The following TMEM181 variants were observed in gnomAD, a reference collection of about 807,000 sequenced individuals.
The protein encoded by TMEM181 is G protein-coupled receptor 178.
Under a neutral mutation model 71.9 loss-of-function variants are expected in TMEM181, and 39 were observed. That is an observed-to-expected ratio of 0.54 (90% CI 0.42 to 0.71). The LOEUF (loss-of-function observed/expected upper bound fraction) is 0.71. TMEM181 is among the 30% of genes least tolerant of loss of function. The probability of loss-of-function intolerance (pLI) is 0.00; values close to 1 mark genes in which losing one functional copy is unlikely to be tolerated. For synonymous variants in TMEM181, 245 were observed against 228.8 expected (o/e 1.07, Z -0.64); for missense variants, 595 against 583.0 (o/e 1.02, Z -0.21).
intron 1 of TMEM181, among the ~76,000 whole-genome samples, chr6:158,544,492 G>T (rs1258539373): frequency 6.6e-6 from 1 of 152,164 alleles, no homozygotes; most frequent in Non-Finnish European, 1.5e-5. Flanking sequence ...GTGTGCTGGG[G>T]TATCACGGTC....
intron 10 of TMEM181, among the ~76,000 whole-genome samples, chr6:158,622,246 TATA>T (rs553487648): frequency 2.6e-4 from 40 of 152,330 alleles, no homozygotes; most frequent in South Asian, 1.7e-3. Flanking sequence ...AACAATATAT[TATA>T]ATAAAAGTTG....
chr6:158,595,596 G>A (rs1271818942), intron 6 of TMEM181, among the ~76,000 whole-genome samples: 2 of 152,192 alleles, frequency 1.3e-5, no homozygotes, highest in African/African-American at 2.4e-5. Context: ...ACTATATAGC[G>A]AGGAGAATGA....
chr6:158,624,206 A>G (rs541179270), intron 11 of TMEM181, among the ~76,000 whole-genome samples: 1 of 152,308 alleles, frequency 6.6e-6, no homozygotes, highest in Admixed American at 6.5e-5. Context: ...GCTCTGGAAC[A>G]GACCCCAGGG....
In TMEM181 at chr6:158,576,256, G is replaced by A. The variant is rs558248292; in HGVS notation, c.112+2733G>A. 3.9e-5 allele frequency among the ~76,000 whole-genome samples: 6 copies of A among 152,264 alleles called. No homozygotes were observed. The South Asian group carries it at 6.2e-4, about 16-fold the overall frequency. ...CTTCCACTGCAGGCCTATAGCAGGC[G>A]GCTAAATGTGTGTTCCTAGCGCTTA... On this transcript the variant is annotated intron_variant, in intron 2 of 16. Coordinates refer to ENST00000684151, the MANE Select transcript of TMEM181 (RefSeq NM_001376852.1).
Position 158,582,275 on chromosome 6 carries a change from T to C in TMEM181, c.168+1280T>C, listed in dbSNP as rs557181254. ...TGTCTCTCAGGGTGTGAGTCTCTCT[T>C]TGACACTGAACACAGCAGCCATTCC... On this transcript the variant is annotated intron_variant, in intron 3 of 16. Transcript: ENST00000684151. 2.0e-5 allele frequency among the ~76,000 whole-genome samples: 3 copies of C among 152,300 alleles called. No individual in the cohort carries two copies. In the East Asian group the frequency reaches 5.8e-4, roughly 29 times the overall value.
At position 158,562,602 on chromosome 6, in the gene TMEM181, A is replaced by C. The variant is rs112505710; in HGVS notation, c.8+2370A>C. On this transcript the variant is annotated intron_variant, in intron 1 of 16. Coordinates refer to ENST00000684151, the MANE Select transcript of TMEM181 (RefSeq NM_001376852.1). ...GCTAGCAGCAAAGCATGGCACAGAC[A>C]AATTAAGTATCCTGGAGCCCTGCTG... Among the ~76,000 whole-genome samples the C allele has an allele frequency of 2.0e-3, 309 of 152,252 alleles. 1 individual carries two copies. The highest frequency in any genetic ancestry group is 6.7e-3 in the African/African-American group (280 of 41,536).
intron 1 of TMEM181, among the ~76,000 whole-genome samples, chr6:158,550,858 C>T (rs181391912): frequency 5.7e-4 from 81 of 142,160 alleles, no homozygotes; most frequent in Non-Finnish European, 3.6e-4. Flanking sequence ...TATTATAGCA[C>T]TCCAGCCTGG....
chr6:158,611,125 T>C (rs1253011512), intron 10 of TMEM181: 3 of 522,188 alleles, frequency 5.7e-6, no homozygotes, highest in Non-Finnish European at 1.2e-5. Context: ...CCTCAGTGGG[T>C]TTCTCCTGAG....
chr6:158,629,894 C>CCGGGTTTCCCA (rs1251070910), intron 15 of TMEM181, 75 bp downstream of exon 15: 3 of 1,245,886 alleles, frequency 2.4e-6, no homozygotes, highest in African/African-American at 1.5e-5. Flanking sequence ...GACCCACTTC[C>CCGGGTTTCCCA]CGGGTTTCCC....
At chr6:158,598,299 T>C (rs1041908496) in intron 6 of TMEM181, among the ~76,000 whole-genome samples, 7 of 152,230 alleles carry the variant, frequency 4.6e-5, no homozygotes, top group East Asian at 1.9e-4. Flanking sequence ...TTAAGTGTTT[T>C]TCGGGCCGAG....
rs1046265906 is a variant in TMEM181 at position 158,629,813 on chromosome 6, C to T, written c.1276C>T (p.Leu426Phe). ...TGTATATTCTCCATCGAAGAATGCC[C>T]TCTATGGTAAGCCACCCTGGGGTCT... is the stretch of plus-strand genomic sequence containing the variant. ...AFVYSPSKNA[L>F]YESQLKDNPA... Residue 426 changes from leucine (L) to phenylalanine (F), a missense_variant, in exon 15 of 17, where the codon CTC (leucine) becomes TTC (phenylalanine). Physicochemically the swap from Leu to Phe is conservative, Grantham distance 22. Coordinates refer to ENST00000684151, the MANE Select transcript of TMEM181 (RefSeq NM_001376852.1). 2.5e-6 allele frequency: 4 copies of T among 1,613,900 alleles called. No individual in the cohort carries two copies. The highest frequency in any genetic ancestry group is 3.3e-4 in the Middle Eastern group (2 of 6,060).
chr6:158,573,625 G>A (rs1055746651), intron 2 of TMEM181, 102 bp downstream of exon 2: 52 of 983,426 alleles, frequency 5.3e-5, no homozygotes, highest in Non-Finnish European at 7.6e-5. Flanking sequence ...CACTGCTAAG[G>A]GCCCCAGCGT....
At chr6:158,558,604 AC>A (rs1252467958), upstream of TMEM181, among the ~76,000 whole-genome samples, 1 of 152,226 alleles carries the variant, frequency 6.6e-6, no homozygotes, top group East Asian at 1.9e-4. Context: ...ACAGAAGCTC[AC>A]TGGCTGTGAT....
intron 2 of TMEM181, among the ~76,000 whole-genome samples, chr6:158,574,011 C>T (rs1783025099): frequency 6.6e-6 from 1 of 152,110 alleles, no homozygotes; most frequent in African/African-American, 2.4e-5. Context: ...GATGGAGAAC[C>T]TGAGAAGCCA....
At chr6:158,547,579 C>T (rs1003250933) in intron 1 of TMEM181, among the ~76,000 whole-genome samples, 3 of 152,180 alleles carry the variant, frequency 2.0e-5, no homozygotes, top group Non-Finnish European at 2.9e-5. Flanking sequence ...CACAGGGTCT[C>T]CCCCCTCAGC....
At chr6:158,568,029 G>A (rs1782607037) in intron 1 of TMEM181, among the ~76,000 whole-genome samples, 1 of 152,110 alleles carries the variant, frequency 6.6e-6, no homozygotes, top group African/African-American at 2.4e-5. Flanking sequence ...GGAGGTGATG[G>A]CAGCAGCTGG....
chr6:158,580,736 C>T (rs193232500), intron 2 of TMEM181, among the ~76,000 whole-genome samples: 31 of 152,162 alleles, frequency 2.0e-4, no homozygotes, highest in African/African-American at 6.7e-4. Flanking sequence ...GTTGGGAAGT[C>T]GTGAAGCACA....
chr6:158,583,920 G>T, intron 3 of TMEM181, 34 bp from the exon 4 acceptor site: 2 of 1,535,168 alleles, frequency 1.3e-6, no homozygotes, highest in South Asian at 2.4e-5. Context: ...TCAATGAAAA[G>T]GTCACATGGA....
chr6:158,605,071 G>A (rs1037251442), intron 6 of TMEM181, among the ~76,000 whole-genome samples, 196 bp from the exon 7 acceptor site: 1 of 147,926 alleles, frequency 6.8e-6, no homozygotes, highest in Non-Finnish European at 1.5e-5. Flanking sequence ...CGAAGATTGC[G>A]CCACTTCACT....
Sources: allele counts gnomAD v4.1 joint callset (sites outside exome capture counted in the v4.1 genomes callset), GRCh38; gene constraint gnomAD v4.1.1; transcripts MANE v1.5; gene names NCBI Gene and HGNC (gene_info 2026-07-23, HGNC 2026-07-21).